UVRAG: variants seen among roughly 807,000 people sequenced by gnomAD.
The protein encoded by UVRAG is UV radiation resistance-associated gene protein.
UVRAG carries 19 observed loss-of-function variants against 78.0 expected under a neutral mutation model. The ratio of observed to expected loss-of-function variants is 0.24; its 90% CI spans 0.17 to 0.36. The LOEUF (loss-of-function observed/expected upper bound fraction) is 0.36. Among genes scored for constraint, UVRAG ranks in the 10% least tolerant of loss-of-function variants. The pLI, the probability that UVRAG is intolerant of heterozygous loss-of-function variation, is 1.00. For synonymous variants in UVRAG, 323 were observed against 324.6 expected, an observed-to-expected ratio of 1.00 and a Z score of 0.05; for missense variants, 740 against 853.8, an observed-to-expected ratio of 0.87 and a Z score of 1.66.
intron 4 of UVRAG, among the ~76,000 whole-genome samples, chr11:75,884,479 C>T (rs1375526723): frequency 6.6e-6 from 1 of 151,926 alleles, no homozygotes; most frequent in African/African-American, 2.4e-5. Flanking sequence ...CTTATCTTTG[C>T]CTAACCCAAG....
At chr11:75,912,083 T>G (rs1316115499) in intron 6 of UVRAG, 44 bp downstream of exon 6, 1 of 1,379,420 alleles carries the variant, frequency 7.2e-7, no homozygotes, top group African/African-American at 1.4e-5. Flanking sequence ...AGAATCTTTC[T>G]CATTTTGAGT....
At chr11:76,094,665 C>A (rs926217116) in intron 13 of UVRAG, among the ~76,000 whole-genome samples, 10 of 152,206 alleles carry the variant, frequency 6.6e-5, no homozygotes, top group African/African-American at 2.2e-4. Context: ...TTATAGTATT[C>A]TCTGATGGTA....
intron 3 of UVRAG, among the ~76,000 whole-genome samples, chr11:75,873,142 G>T (rs990839791): frequency 6.6e-5 from 10 of 152,068 alleles, no homozygotes; most frequent in African/African-American, 2.4e-4. Context: ...CCCCTTTCTT[G>T]TAATAATTAT....
At chr11:75,950,994 A>G (rs1948683671) in intron 6 of UVRAG, among the ~76,000 whole-genome samples, 2 of 151,418 alleles carry the variant, frequency 1.3e-5, no homozygotes, top group South Asian at 4.2e-4. Context: ...ACACACACAC[A>G]CACACACACA....
At chr11:75,865,063 G>A (rs1457866190) in intron 3 of UVRAG, among the ~76,000 whole-genome samples, 1 of 152,060 alleles carries the variant, frequency 6.6e-6, no homozygotes, top group Non-Finnish European at 1.5e-5. Flanking sequence ...TGAGGCGGGC[G>A]GATCATCTGA....
intron 2 of UVRAG, among the ~76,000 whole-genome samples, chr11:75,852,458 G>T (rs1490203153): frequency 6.6e-6 from 1 of 152,024 alleles, no homozygotes; most frequent in Non-Finnish European, 1.5e-5. Flanking sequence ...TTGTACTGTG[G>T]ATTCTTCTGT....
chr11:75,976,078 G>T (rs1282260927), intron 7 of UVRAG, among the ~76,000 whole-genome samples: 1 of 152,080 alleles, frequency 6.6e-6, no homozygotes, highest in Non-Finnish European at 1.5e-5. Context: ...TAGCATGAAG[G>T]GCTGTTGAAT....
intron 12 of UVRAG, among the ~76,000 whole-genome samples, chr11:76,033,326 A>C (rs1010814547): frequency 3.9e-5 from 6 of 152,230 alleles, no homozygotes; most frequent in African/African-American, 1.4e-4. Flanking sequence ...TGACCTTTGC[A>C]TATAATAGTC....
chr11:76,070,805 T>C (rs1591201259), intron 13 of UVRAG, among the ~76,000 whole-genome samples: 1 of 152,164 alleles, frequency 6.6e-6, no homozygotes, highest in South Asian at 2.1e-4. Flanking sequence ...AGCAAACTCA[T>C]GGAGTCAGAA....
At chr11:76,004,209 C>T in intron 9 of UVRAG, 120 bp downstream of exon 9, 1 of 909,914 alleles carries the variant, frequency 1.1e-6, no homozygotes, top group Non-Finnish European at 1.7e-6. Flanking sequence ...CTCAGTACCA[C>T]ATTCGTTTAT....
chr11:76,134,724 A>G (rs1302813463), intron 14 of UVRAG, among the ~76,000 whole-genome samples: 2 of 152,178 alleles, frequency 1.3e-5, no homozygotes, highest in Non-Finnish European at 2.9e-5. Context: ...AATTACAACT[A>G]CTACTGACGC....
At chr11:76,003,308 C>G (rs1421854900) in intron 8 of UVRAG, among the ~76,000 whole-genome samples, 1 of 100,470 alleles carries the variant, frequency 1.0e-5, no homozygotes, top group Non-Finnish European at 1.8e-5. Flanking sequence ...GTCTCGTTCT[C>G]TTGCCCAGGC....
At chr11:75,833,617 A>C (rs1353495314) in intron 1 of UVRAG, among the ~76,000 whole-genome samples, 1 of 152,198 alleles carries the variant, frequency 6.6e-6, no homozygotes, top group African/African-American at 2.4e-5. Flanking sequence ...TGGAGCTGGA[A>C]ATCAGGGGTC....
intron 13 of UVRAG, among the ~76,000 whole-genome samples, chr11:76,081,644 TA>T (rs1022953577): frequency 2.0e-5 from 3 of 151,128 alleles, no homozygotes; most frequent in Non-Finnish European, 3.0e-5. Context: ...TGTATGATTT[TA>T]AAAAAAAACA....
Position 76,141,409 on chromosome 11 carries a change from A to G in UVRAG, c.2096A>G (p.Lys699Arg), listed in dbSNP as rs1201840479. ...SFRRPRRSSD[K>R] ...CGCCGGCCGCGCAGGAGTTCCGATA[A>G]GTGAAGTGAGCAGGTCAACAGTAGG... Residue 699 changes from lysine (K) to arginine (R), a missense_variant, in exon 15 of 15, where the codon AAG (lysine) becomes AGG (arginine). By Grantham distance (26) the Lys-to-Arg change is conservative. Transcript: ENST00000356136. The G allele has an allele frequency of 6.2e-7, 1 of 1,611,856 alleles. No individual in the cohort carries two copies. Among genetic ancestry groups the G allele is most frequent in the Non-Finnish European group, 8.5e-7 (1 of 1,179,630 alleles).
intron 14 of UVRAG, 29 bp from the exon 15 acceptor site, chr11:76,140,681 AG>A: frequency 6.5e-7 from 1 of 1,536,550 alleles, no homozygotes; most frequent in South Asian, 1.3e-5. Flanking sequence ...TGAAGTCCAA[AG>A]TAACTTCTTG....
chr11:76,002,203 C>T (rs572685110), intron 8 of UVRAG, among the ~76,000 whole-genome samples: 1 of 152,106 alleles, frequency 6.6e-6, no homozygotes, highest in Non-Finnish European at 1.5e-5. Context: ...GGAGTATCTT[C>T]AAATACTTAG....
At chr11:75,923,699 T>C (rs1449604172) in intron 6 of UVRAG, among the ~76,000 whole-genome samples, 1 of 152,204 alleles carries the variant, frequency 6.6e-6, no homozygotes, top group East Asian at 1.9e-4. Context: ...TTAGTACTCA[T>C]CGCTCTGTCC....
intron 6 of UVRAG, among the ~76,000 whole-genome samples, chr11:75,929,238 TC>T (rs1224871108): frequency 1.3e-5 from 2 of 152,226 alleles, no homozygotes; most frequent in East Asian, 3.8e-4. Flanking sequence ...AGTTTAGTGA[TC>T]CAGTAATCAA....
Sources: gnomAD v4.1 joint callset for allele counts (sites outside exome capture counted in the v4.1 genomes callset) on GRCh38, gnomAD v4.1.1 for gene constraint, MANE v1.5 for transcripts, NCBI Gene and HGNC (gene_info 2026-07-23, HGNC 2026-07-21) for gene names.